The following C1QTNF3 variants were observed in gnomAD, a reference collection of about 807,000 sequenced individuals.
C1QTNF3 encodes C1q and TNF related 3, also known as complement C1q tumor necrosis factor-related protein 3.
A neutral mutation model predicts 32.6 loss-of-function variants in C1QTNF3; 26 were observed. The ratio of observed to expected loss-of-function variants is 0.80; its 90% CI spans 0.58 to 1.11. The LOEUF (loss-of-function observed/expected upper bound fraction) is 1.11. C1QTNF3 is among the 50% of genes least tolerant of loss of function. C1QTNF3 has a pLI of 0.00. For synonymous variants in C1QTNF3, 155 were observed against 146.0 expected, an observed-to-expected ratio of 1.06 and a Z score of -0.44; for missense variants, 362 against 398.2, an observed-to-expected ratio of 0.91 and a Z score of 0.77.
At chr5:34,066,736 A>T in the C1QTNF3 span, among the ~76,000 whole-genome samples, 4 of 152,350 alleles carry the variant, frequency 2.6e-5, no homozygotes, top group Non-Finnish European at 5.9e-5. Flanking sequence ...AGGTTCTGCC[A>T]TGAAGACCTC....
At chr5:34,163,222 T>C in the C1QTNF3 span, among the ~76,000 whole-genome samples, 2 of 152,078 alleles carry the variant, frequency 1.3e-5, no homozygotes, top group Non-Finnish European at 2.9e-5. Flanking sequence ...TAGCTAAAAA[T>C]GAAAGAAAAA....
chr5:34,170,161 C>T, the C1QTNF3 span, among the ~76,000 whole-genome samples: 1,104 of 152,150 alleles, frequency 7.3e-3, 16 homozygotes, highest in African/African-American at 0.025. Context: ...GGATCTTATG[C>T]TAAGTGAAAT....
At chr5:34,031,172 C>T (rs375828707) in intron 3 of C1QTNF3, among the ~76,000 whole-genome samples, 20 of 152,270 alleles carry the variant, frequency 1.3e-4, no homozygotes, top group Admixed American at 5.2e-4. Context: ...GTTAATCCTT[C>T]GTCCAAATGA....
At chr5:34,241,955 A>AG in the C1QTNF3 span, among the ~76,000 whole-genome samples, 189 of 28,128 alleles carry the variant, frequency 6.7e-3, 1 homozygote, top group Non-Finnish European at 7.8e-3. Context: ...GAGGGAGGGA[A>AG]GGAAGGAAGG....
At chr5:34,212,565 AC>A in the C1QTNF3 span, among the ~76,000 whole-genome samples, 1 of 151,958 alleles carries the variant, frequency 6.6e-6, no homozygotes, top group African/African-American at 2.4e-5. Context: ...CAAGAAAAAA[AC>A]AAACAACCCC....
At chr5:34,056,479 T>TATAGAGAGAGAG in the C1QTNF3 span, among the ~76,000 whole-genome samples, 3 of 51,776 alleles carry the variant, frequency 5.8e-5, no homozygotes, top group African/African-American at 8.2e-5. Flanking sequence ...TATATATATA[T>TATAGAGAGAGAG]AGAGAGAGAG....
chr5:34,231,738 G>A, the C1QTNF3 span, among the ~76,000 whole-genome samples: 29 of 151,896 alleles, frequency 1.9e-4, 1 homozygote, highest in African/African-American at 6.8e-4. Context: ...GTATGGAAAT[G>A]CCTGGATGTC....
the C1QTNF3 span, among the ~76,000 whole-genome samples, chr5:34,188,702 C>T: frequency 6.6e-6 from 1 of 152,276 alleles, no homozygotes; most frequent in African/African-American, 2.4e-5. Context: ...TTTGGTTTTA[C>T]AGGCTCACAG....
chr5:34,133,564 G>A, the C1QTNF3 span, among the ~76,000 whole-genome samples: 3 of 152,144 alleles, frequency 2.0e-5, no homozygotes, highest in Admixed American at 6.5e-5. Flanking sequence ...TAGACATATA[G>A]AGCATTGGAT....
chr5:34,031,721 G>T (rs1754618504), intron 3 of C1QTNF3, among the ~76,000 whole-genome samples: 1 of 152,154 alleles, frequency 6.6e-6, no homozygotes, highest in East Asian at 1.9e-4. Flanking sequence ...TGTAATCCCA[G>T]CTACTCCAGA....
chr5:34,091,180 A>C, the C1QTNF3 span, among the ~76,000 whole-genome samples: 1 of 152,160 alleles, frequency 6.6e-6, no homozygotes, highest in Non-Finnish European at 1.5e-5. Flanking sequence ...GAGCACATTG[A>C]GCGTTACAAG....
Position 34,042,967 on chromosome 5 carries a change from C to G in C1QTNF3, c.159G>C (p.Arg53Ser), listed in dbSNP as rs757338339. The part of the protein sequence containing the change: ...SHQQTGRSGS[R>S]REKVRERSHP... ...GGCTCCGCTCTCTCACTTTCTCCCT[C>G]CTGGAGCCGCTACGGCCAGTCTGCT... Residue 53 changes from arginine to serine, a missense_variant, in exon 1 of 6, where the codon AGG (arginine) becomes AGC (serine). Transcript: ENST00000382065. 4.5e-5 allele frequency: 72 copies of G among 1,614,078 alleles called. 1 individual carries two copies. The South Asian group carries it at 7.8e-4, about 17-fold the overall frequency.
the C1QTNF3 span, among the ~76,000 whole-genome samples, chr5:34,134,422 T>G: frequency 1.3e-5 from 2 of 152,164 alleles, no homozygotes; most frequent in Admixed American, 1.3e-4. Context: ...AGGAGAAGAT[T>G]GTGCTGATTT....
the C1QTNF3 span, chr5:34,166,550 T>C: frequency 6.6e-6 from 1 of 152,184 alleles, no homozygotes; most frequent in African/African-American, 2.4e-5. Context: ...TTTGCATCAT[T>C]TCATCAATTA....
chr5:34,080,113 CTTTTT>C, the C1QTNF3 span, among the ~76,000 whole-genome samples: 1 of 151,236 alleles, frequency 6.6e-6, no homozygotes, highest in African/African-American at 2.4e-5. Flanking sequence ...TAAAGCAGTT[CTTTTT>C]TTTAAAGTGC....
chr5:34,067,031 A>G, the C1QTNF3 span, among the ~76,000 whole-genome samples: 2 of 152,162 alleles, frequency 1.3e-5, no homozygotes, highest in African/African-American at 4.8e-5. Context: ...AGTTCCACAG[A>G]TCTCTAGGGC....
chr5:34,207,467 T>C, the C1QTNF3 span, among the ~76,000 whole-genome samples: 1 of 152,170 alleles, frequency 6.6e-6, no homozygotes, highest in Admixed American at 6.5e-5. Flanking sequence ...AATTTTGTGG[T>C]TGTTCACTTT....
chr5:34,055,806 T>A, the C1QTNF3 span, among the ~76,000 whole-genome samples: 1 of 152,252 alleles, frequency 6.6e-6, no homozygotes, highest in African/African-American at 2.4e-5. Context: ...GTTATGCCCA[T>A]GAAAATCTAG....
chr5:34,053,891 A>G, the C1QTNF3 span, among the ~76,000 whole-genome samples: 3 of 152,198 alleles, frequency 2.0e-5, no homozygotes, highest in Non-Finnish European at 4.4e-5. Context: ...TTCAGTAATT[A>G]TGTACTGAAA....
Sources: gnomAD v4.1 joint callset for allele counts (sites outside exome capture counted in the v4.1 genomes callset) on GRCh38, gnomAD v4.1.1 for gene constraint, MANE v1.5 for transcripts, NCBI Gene and HGNC (gene_info 2026-07-23, HGNC 2026-07-21) for gene names.